The following GALNTL6 variants were observed in gnomAD, a reference collection of about 807,000 sequenced individuals.
GALNTL6 encodes polypeptide N-acetylgalactosaminyltransferase like 6.
Under a neutral mutation model 73.7 loss-of-function variants are expected in GALNTL6, and 46 were observed. The observed-to-expected ratio is 0.62, with a 90% CI of 0.49 to 0.80. The LOEUF (loss-of-function observed/expected upper bound fraction) is 0.80. GALNTL6 is among the 30% of genes least tolerant of loss of function. GALNTL6 has a pLI of 0.00. For synonymous variants in GALNTL6, 259 were observed against 263.7 expected (o/e 0.98, Z 0.17); for missense variants, 604 against 755.0 (o/e 0.80, Z 2.34).
chr4:172,453,546 G>A (rs1338722781), intron 5 of GALNTL6, among the ~76,000 whole-genome samples: 1 of 152,130 alleles, frequency 6.6e-6, no homozygotes, highest in Non-Finnish European at 1.5e-5. Flanking sequence ...CAAAAGCAGA[G>A]GCACATACAA....
intron 2 of GALNTL6, among the ~76,000 whole-genome samples, chr4:172,192,672 G>C (rs769242709): frequency 6.6e-6 from 1 of 152,118 alleles, no homozygotes; most frequent in East Asian, 1.9e-4. Context: ...TGTGCAACTC[G>C]CCCATCAGGA....
At chr4:172,678,835 C>A (rs1444474543) in intron 5 of GALNTL6, among the ~76,000 whole-genome samples, 1 of 152,114 alleles carries the variant, frequency 6.6e-6, no homozygotes, top group Non-Finnish European at 1.5e-5. Context: ...TATTCTCCCA[C>A]CAATGTTGAA....
intron 2 of GALNTL6, among the ~76,000 whole-genome samples, chr4:172,108,801 C>G (rs1404919261): frequency 1.3e-5 from 2 of 151,926 alleles, no homozygotes; most frequent in Admixed American, 1.3e-4. Flanking sequence ...CACCTGAGGT[C>G]AGGAGTTTGA....
intron 2 of GALNTL6, among the ~76,000 whole-genome samples, chr4:171,946,341 CA>C (rs1738701321): frequency 6.6e-6 from 1 of 152,038 alleles, no homozygotes; most frequent in Admixed American, 6.6e-5. Flanking sequence ...AAAGTACAAA[CA>C]AAAATTGTTA....
At chr4:171,943,537 T>TA (rs1228218762) in intron 2 of GALNTL6, among the ~76,000 whole-genome samples, 9 of 152,322 alleles carry the variant, frequency 5.9e-5, no homozygotes. Flanking sequence ...CTCTCTTACT[T>TA]AAAGTGTGTG....
intron 5 of GALNTL6, among the ~76,000 whole-genome samples, chr4:172,373,692 A>G (rs1379159686): frequency 6.6e-6 from 1 of 152,136 alleles, no homozygotes; most frequent in Non-Finnish European, 1.5e-5. Context: ...ATATTCATGT[A>G]GATAATAGCT....
intron 2 of GALNTL6, among the ~76,000 whole-genome samples, chr4:172,143,750 A>T (rs928767186): frequency 2.0e-5 from 3 of 152,022 alleles, no homozygotes; most frequent in Admixed American, 1.3e-4. Flanking sequence ...ACCATGAGTC[A>T]TCTTATTTTT....
intron 2 of GALNTL6, among the ~76,000 whole-genome samples, chr4:171,961,786 A>G (rs1445487635): frequency 6.6e-6 from 1 of 152,150 alleles, no homozygotes; most frequent in East Asian, 1.9e-4. Flanking sequence ...AAAAATCTGG[A>G]TCAATATTCT....
chr4:172,808,194 G>A (rs770744849), intron 5 of GALNTL6, among the ~76,000 whole-genome samples: 1 of 152,060 alleles, frequency 6.6e-6, no homozygotes, highest in Non-Finnish European at 1.5e-5. Context: ...GTGAAACATA[G>A]GACAGTCAAT....
At chr4:173,035,200 T>TG (rs1365151619) in intron 12 of GALNTL6, among the ~76,000 whole-genome samples, 1 of 150,778 alleles carries the variant, frequency 6.6e-6, no homozygotes, top group African/African-American at 2.4e-5. Flanking sequence ...TTTTTTGAGT[T>TG]GCAGTTTCGC....
chr4:172,433,302 G>C (rs1311505112), intron 5 of GALNTL6, among the ~76,000 whole-genome samples: 1 of 151,908 alleles, frequency 6.6e-6, no homozygotes, highest in African/African-American at 2.4e-5. Context: ...TTGTCTAAAG[G>C]GTAAATTGCC....
At chr4:172,131,406 AATATAT>A (rs772791571) in intron 2 of GALNTL6, among the ~76,000 whole-genome samples, 11 of 137,596 alleles carry the variant, frequency 8.0e-5, no homozygotes, top group Admixed American at 3.7e-4. Flanking sequence ...ATGCCTTTAA[AATATAT>A]ATATATATAT....
chr4:172,562,423 G>A (rs1012755327), intron 5 of GALNTL6, among the ~76,000 whole-genome samples: 2 of 152,176 alleles, frequency 1.3e-5, no homozygotes, highest in Non-Finnish European at 2.9e-5. Context: ...CCCCATTCTG[G>A]CCCTGGGCTT....
rs979051960 is a variant in GALNTL6 at position 171,848,490 on chromosome 4, CTCTA to C, written c.138+33778_138+33781del. Among the ~76,000 whole-genome samples the C allele has an allele frequency of 3.3e-5, 5 of 152,322 alleles. No homozygotes were observed. In the South Asian group the frequency reaches 6.2e-4, roughly 19 times the overall value. On this transcript the variant is annotated intron_variant, in intron 2 of 12. Transcript: ENST00000506823. ...TGAAAACCAGGCCTTGACTTTTCCT[CTCTA>C]TCTATGATATTTTTTCCCTATATAA...
chr4:172,755,271 T>TAGATAGATAGATA (rs1184425927), intron 5 of GALNTL6, among the ~76,000 whole-genome samples: 12 of 151,392 alleles, frequency 7.9e-5, no homozygotes, highest in African/African-American at 2.2e-4. Context: ...GATAGATAGA[T>TAGATAGATAGATA]AATTGATAAA....
chr4:172,807,667 C>A lies in GALNTL6; in HGVS notation c.554-1694C>A, dbSNP rs146441017. 1.7e-3 allele frequency among the ~76,000 whole-genome samples: 265 copies of A among 152,276 alleles called. 1 individual carries two copies. Among genetic ancestry groups the A allele is most frequent in the African/African-American group, 6.2e-3 (258 of 41,556 alleles). On this transcript the variant is annotated intron_variant, in intron 5 of 12. Coordinates refer to ENST00000506823, the MANE Select transcript of GALNTL6 (RefSeq NM_001034845.3). ...TGTATCACCATTGTGGAGCTCCCTCCCAGGCCTACTCTGATTCCAACCCTG... is the reference window on the plus strand; with the variant it reads ...TGTATCACCATTGTGGAGCTCCCTCACAGGCCTACTCTGATTCCAACCCTG...
chr4:172,887,541 T>TTTAC (rs1380871711), intron 8 of GALNTL6, among the ~76,000 whole-genome samples: 4 of 83,422 alleles, frequency 4.8e-5, no homozygotes, highest in Non-Finnish European at 9.8e-5. Context: ...TAACCTTTTA[T>TTTAC]TTATTTATTT....
chr4:171,836,215 A>G (rs1383690693), intron 2 of GALNTL6, among the ~76,000 whole-genome samples: 2 of 152,062 alleles, frequency 1.3e-5, no homozygotes, highest in African/African-American at 4.8e-5. Context: ...TTTTTAAATT[A>G]TATAAAAATA....
intron 2 of GALNTL6, among the ~76,000 whole-genome samples, chr4:172,064,046 T>C (rs566785306): frequency 7.2e-5 from 11 of 152,304 alleles, no homozygotes; most frequent in Admixed American, 1.3e-4. Flanking sequence ...TGGTTCTGTC[T>C]CTCCAAATAA....
Sources: gnomAD v4.1 joint callset for allele counts (sites outside exome capture counted in the v4.1 genomes callset) on GRCh38, gnomAD v4.1.1 for gene constraint, MANE v1.5 for transcripts, NCBI Gene and HGNC (gene_info 2026-07-23, HGNC 2026-07-21) for gene names.